The following MAP7 variants were observed in gnomAD, a reference collection of about 807,000 sequenced individuals.
MAP7 encodes the protein ensconsin.
A neutral mutation model predicts 94.8 loss-of-function variants in MAP7; 52 were observed. The ratio of observed to expected loss-of-function variants is 0.55; its 90% CI spans 0.44 to 0.69. The LOEUF (loss-of-function observed/expected upper bound fraction) is 0.69. MAP7 is among the 30% of genes least tolerant of loss of function. The pLI, the probability that MAP7 is intolerant of heterozygous loss-of-function variation, is 0.00. For missense variants in MAP7, 940 were observed against 964.6 expected (o/e 0.97, Z 0.34); for synonymous variants, 350 against 357.0 (o/e 0.98, Z 0.22).
chr6:136,417,506 C>T (rs182444347), intron 2 of MAP7, among the ~76,000 whole-genome samples: 105 of 152,334 alleles, frequency 6.9e-4, no homozygotes, highest in African/African-American at 2.4e-3. Flanking sequence ...ACAGTAAATA[C>T]TTCTGTATTT....
At chr6:136,354,122 A>T (rs59819672) in intron 16 of MAP7, among the ~76,000 whole-genome samples, 13,445 of 48,852 alleles carry the variant, frequency 0.28, 1,134 homozygotes, top group African/African-American at 0.51. Flanking sequence ...ATATATATAT[A>T]TTATATATAT....
intron 11 of MAP7, 90 bp downstream of exon 11, chr6:136,362,360 C>G: frequency 6.8e-7 from 1 of 1,479,954 alleles, no homozygotes; most frequent in Non-Finnish European, 9.2e-7. Context: ...TCACTTTCAT[C>G]AGTATTATCA....
At chr6:136,411,439 C>T (rs1178722388) in intron 3 of MAP7, among the ~76,000 whole-genome samples, 181 bp downstream of exon 3, 2 of 152,272 alleles carry the variant, frequency 1.3e-5, no homozygotes, top group African/African-American at 4.8e-5. Flanking sequence ...AAAAGGATGA[C>T]CTTAATCCTG....
intron 1 of MAP7, among the ~76,000 whole-genome samples, chr6:136,425,928 C>A (rs969550515): frequency 6.6e-6 from 1 of 152,132 alleles, no homozygotes. Context: ...ATCTTGAGCT[C>A]GATGCTGGAA....
intron 1 of MAP7, among the ~76,000 whole-genome samples, chr6:136,439,588 C>T (rs182581537): frequency 2.0e-5 from 3 of 152,270 alleles, no homozygotes; most frequent in Admixed American, 2.0e-4. Context: ...CTAGGAATTA[C>T]AGTCACATGA....
chr6:136,494,276 C>A (rs1332454565), intron 1 of MAP7, among the ~76,000 whole-genome samples: 2 of 152,142 alleles, frequency 1.3e-5, no homozygotes, highest in Non-Finnish European at 2.9e-5. Context: ...TATGCAGTAG[C>A]TAAATTAGAA....
chr6:136,413,622 T>G (rs1006639223), intron 2 of MAP7, among the ~76,000 whole-genome samples: 1 of 152,146 alleles, frequency 6.6e-6, no homozygotes, highest in African/African-American at 2.4e-5. Context: ...TTTTTTTTAT[T>G]TTTTACTTTT....
At chr6:136,480,996 T>C (rs898441011) in intron 1 of MAP7, among the ~76,000 whole-genome samples, 1 of 152,122 alleles carries the variant, frequency 6.6e-6, no homozygotes, top group African/African-American at 2.4e-5. Context: ...TACATACAAA[T>C]GTCAAATAGG....
At chr6:136,362,368 T>C in intron 11 of MAP7, 82 bp downstream of exon 11, 4 of 1,534,852 alleles carry the variant, frequency 2.6e-6, no homozygotes, top group Non-Finnish European at 2.7e-6. Flanking sequence ...ATCAGTATTA[T>C]CACCTCCTCC....
At chr6:136,407,296 T>C (rs745369202) in intron 3 of MAP7, among the ~76,000 whole-genome samples, 4 of 152,186 alleles carry the variant, frequency 2.6e-5, no homozygotes, top group Non-Finnish European at 5.9e-5. Context: ...AAACCAGAGA[T>C]AGAAAGTCTA....
intron 1 of MAP7, chr6:136,526,273 GCGCGCA>G: frequency 7.6e-6 from 8 of 1,058,144 alleles, no homozygotes; most frequent in Non-Finnish European, 9.1e-6. Context: ...ACGTACACGC[GCGCGCA>G]CACACACACA....
intron 1 of MAP7, among the ~76,000 whole-genome samples, chr6:136,529,639 G>A (rs1325454209): frequency 6.6e-6 from 1 of 152,180 alleles, no homozygotes; most frequent in Non-Finnish European, 1.5e-5. Flanking sequence ...AGAGAAATGA[G>A]GCACTGCCTA....
intron 7 of MAP7, among the ~76,000 whole-genome samples, chr6:136,377,495 T>A (rs1362498262): frequency 6.6e-6 from 1 of 152,168 alleles, no homozygotes; most frequent in Non-Finnish European, 1.5e-5. Flanking sequence ...CGGGTAATGT[T>A]ATGAACAGAC....
At chr6:136,357,193 A>C (rs1791238592) in intron 15 of MAP7, among the ~76,000 whole-genome samples, 1 of 152,220 alleles carries the variant, frequency 6.6e-6, no homozygotes, top group Admixed American at 6.5e-5. Flanking sequence ...GCAAATCACC[A>C]AGGAACACCA....
intron 1 of MAP7, among the ~76,000 whole-genome samples, chr6:136,499,592 C>A (rs897866736): frequency 1.3e-5 from 2 of 152,080 alleles, no homozygotes; most frequent in Admixed American, 6.5e-5. Context: ...AGACAGGGGT[C>A]AACAAGCCTA....
chr6:136,462,169 T>TAAA lies in MAP7; in HGVS notation c.68-40373_68-40371dup, dbSNP rs35449742. 3.6e-3 allele frequency among the ~76,000 whole-genome samples: 498 copies of TAAA among 137,286 alleles called. 5 individuals are homozygous for TAAA. The highest frequency in any genetic ancestry group is 0.013 in the African/African-American group (471 of 37,176). The allele number at this position is 137,286 out of a possible 152,430, so 90.1% of individuals were successfully genotyped here. A position where few individuals can be genotyped will look rare whatever the true frequency, so the allele number is the denominator to read the frequency against. On this transcript the variant is annotated intron_variant, in intron 1 of 17. Coordinates refer to ENST00000354570, the MANE Select transcript of MAP7 (RefSeq NM_003980.6). ...GGGCAGCATAGTAAGACCCTTCTCT[T>TAAA]AAAAAAAAAAAAAAAAAGATGGTAT...
At position 136,366,334 on chromosome 6, in the gene MAP7, G is replaced by A. The variant is rs751440841; in HGVS notation, c.982C>T (p.Arg328Ter). The change falls in exon 9 of 18, where the codon CGA (arginine) becomes TGA (stop). Residue 328 changes from arginine to a stop codon, truncating the protein, a stop_gained. Transcript: ENST00000354570. LOFTEE classifies it high-confidence loss of function. The stretch of plus-strand genomic sequence containing the variant: ...CACTTATATTTCACTTACCAAAGTC[G>A]GGAGCGAGCTGGTTGTCTTGCTTTG... Reference protein sequence around the residue: ...NPKARQPARSRLWLPSKSLPH... With the variant: ...NPKARQPARS The A allele has an allele frequency of 3.7e-6, 6 of 1,613,510 alleles. No individual in the cohort carries two copies. The highest frequency in any genetic ancestry group is 4.2e-6 in the Non-Finnish European group (5 of 1,179,456).
intron 1 of MAP7, among the ~76,000 whole-genome samples, chr6:136,434,598 A>ATT (rs3839511): frequency 6.6e-4 from 96 of 145,612 alleles, no homozygotes; most frequent in South Asian, 3.7e-3. Flanking sequence ...TAGGCAAGGA[A>ATT]TTTTTTTTTT....
intron 1 of MAP7, among the ~76,000 whole-genome samples, chr6:136,455,246 T>C (rs1802526360): frequency 6.6e-6 from 1 of 152,050 alleles, no homozygotes; most frequent in Non-Finnish European, 1.5e-5. Context: ...TTATAAAGAA[T>C]ATTATATAAT....
Sources: allele counts gnomAD v4.1 joint callset (sites outside exome capture counted in the v4.1 genomes callset), GRCh38; gene constraint gnomAD v4.1.1; transcripts MANE v1.5; gene names NCBI Gene and HGNC (gene_info 2026-07-23, HGNC 2026-07-21).